CADM2: variants seen among roughly 807,000 people sequenced by gnomAD.
CADM2 encodes immunoglobulin superfamily member 4D.
Under a neutral mutation model 49.8 loss-of-function variants are expected in CADM2, and 12 were observed. The ratio of observed to expected loss-of-function variants is 0.24; its 90% CI spans 0.15 to 0.39. The LOEUF (loss-of-function observed/expected upper bound fraction) is 0.39. Ranked by LOEUF, CADM2 falls within the 10% of genes least tolerant of loss-of-function variation. CADM2 has a pLI of 1.00. For synonymous variants in CADM2, 214 were observed against 175.4 expected (o/e 1.22, Z -1.74); for missense variants, 378 against 492.3 (o/e 0.77, Z 2.20).
intron 1 of CADM2, among the ~76,000 whole-genome samples, chr3:85,324,395 T>C (rs2044693814): frequency 6.6e-6 from 1 of 152,186 alleles, no homozygotes; most frequent in African/African-American, 2.4e-5. Context: ...ACCTTGCCTC[T>C]TCTTAATGAT....
intron 1 of CADM2, among the ~76,000 whole-genome samples, chr3:85,605,404 G>A (rs1185352825): frequency 1.3e-5 from 2 of 151,982 alleles, no homozygotes; most frequent in South Asian, 2.1e-4. Context: ...AAGAACTTGG[G>A]TCATTTCTGA....
chr3:85,017,033 C>CTT (rs370740863), intron 1 of CADM2, among the ~76,000 whole-genome samples: 19 of 152,134 alleles, frequency 1.2e-4, no homozygotes, highest in African/African-American at 4.6e-4. Context: ...GAAATAGGTT[C>CTT]TTTGTAATAT....
At chr3:85,448,332 C>CAAA (rs57338759) in intron 1 of CADM2, among the ~76,000 whole-genome samples, 4 of 129,044 alleles carry the variant, frequency 3.1e-5, no homozygotes, top group African/African-American at 9.2e-5. Context: ...GATTCCGTCT[C>CAAA]AAAAAAAAAA....
At chr3:86,015,594 G>A (rs1225818558) in intron 8 of CADM2, among the ~76,000 whole-genome samples, 3 of 152,166 alleles carry the variant, frequency 2.0e-5, no homozygotes, top group Admixed American at 6.5e-5. Flanking sequence ...AATTACCGGA[G>A]AAAAGCTTGT....
At chr3:85,989,125 T>C (rs550726301) in intron 8 of CADM2, among the ~76,000 whole-genome samples, 6 of 152,292 alleles carry the variant, frequency 3.9e-5, no homozygotes, top group Non-Finnish European at 8.8e-5. Flanking sequence ...ACTCTGTTAC[T>C]CTGGATGTCA....
chr3:85,761,445 C>T (rs1176936117), intron 2 of CADM2, among the ~76,000 whole-genome samples: 6 of 139,602 alleles, frequency 4.3e-5, no homozygotes, highest in African/African-American at 1.4e-4. Context: ...GGCATGATCT[C>T]GGCTCGCTGC....
chr3:85,958,655 C>G (rs1194101329), intron 7 of CADM2, among the ~76,000 whole-genome samples: 1 of 151,840 alleles, frequency 6.6e-6, no homozygotes, highest in Non-Finnish European at 1.5e-5. Flanking sequence ...GCACAAATGC[C>G]CATCAATGAT....
At chr3:85,417,100 A>C (rs1471137401) in intron 1 of CADM2, among the ~76,000 whole-genome samples, 2 of 152,180 alleles carry the variant, frequency 1.3e-5, no homozygotes, top group East Asian at 1.9e-4. Flanking sequence ...AAGCTTAAAA[A>C]AAACTTTATA....
intron 2 of CADM2, among the ~76,000 whole-genome samples, chr3:85,766,876 A>G (rs1218336781): frequency 2.0e-5 from 3 of 152,102 alleles, no homozygotes; most frequent in African/African-American, 7.2e-5. Context: ...TATGTTCTTA[A>G]TCATGTGCTG....
intron 1 of CADM2, among the ~76,000 whole-genome samples, chr3:85,629,762 CA>C (rs1169598436): frequency 1.3e-5 from 2 of 151,944 alleles, no homozygotes; most frequent in Non-Finnish European, 1.5e-5. Context: ...CAAAGTTTGC[CA>C]CTTTATGTAT....
At chr3:85,375,725 G>A (rs1385587710) in intron 1 of CADM2, among the ~76,000 whole-genome samples, 2 of 152,074 alleles carry the variant, frequency 1.3e-5, no homozygotes, top group Non-Finnish European at 2.9e-5. Context: ...TGTACAAAGT[G>A]TTCTCTTCCA....
At chr3:85,444,603 C>T (rs9820228) in intron 1 of CADM2, among the ~76,000 whole-genome samples, 25,634 of 151,292 alleles carry the variant, frequency 0.17, 2,668 homozygotes, top group Non-Finnish European at 0.23. Flanking sequence ...CACCTCATTT[C>T]GTTTTGCTGT....
At chr3:85,996,300 T>C (rs1020260791) in intron 8 of CADM2, among the ~76,000 whole-genome samples, 1 of 142,624 alleles carries the variant, frequency 7.0e-6, no homozygotes, top group Non-Finnish European at 1.5e-5. Context: ...CTTTTTTTTT[T>C]TTTTTTTTTT....
chr3:85,879,190 CTGGCAGCTAAACAAGGCATCTATATCA>C (rs1180457379), intron 3 of CADM2, among the ~76,000 whole-genome samples: 1 of 151,866 alleles, frequency 6.6e-6, no homozygotes, highest in Non-Finnish European at 1.5e-5. Context: ...CTACTTTCCT[CTGGCAGCTAAACAAGGCATCTATATCA>C]TGGCATGTAG....
chr3:85,797,053 C>T (rs2071669298), intron 2 of CADM2, among the ~76,000 whole-genome samples: 1 of 149,034 alleles, frequency 6.7e-6, no homozygotes, highest in Non-Finnish European at 1.5e-5. Flanking sequence ...AAGATTACGC[C>T]ACTGCACTCC....
intron 1 of CADM2, among the ~76,000 whole-genome samples, chr3:85,348,119 A>G (rs185641406): frequency 2.0e-5 from 3 of 152,172 alleles, no homozygotes; most frequent in Non-Finnish European, 2.9e-5. Context: ...CCTACATCCT[A>G]CTATCTCCTC....
intron 1 of CADM2, among the ~76,000 whole-genome samples, chr3:85,272,426 A>G (rs1301035604): frequency 2.0e-5 from 3 of 151,360 alleles, no homozygotes; most frequent in African/African-American, 7.3e-5. Flanking sequence ...GAAAAAGAAA[A>G]AAAGATAAAA....
At chr3:85,346,045 A>G (rs2030609971) in intron 1 of CADM2, among the ~76,000 whole-genome samples, 1 of 152,200 alleles carries the variant, frequency 6.6e-6, no homozygotes, top group African/African-American at 2.4e-5. Flanking sequence ...TGGTCTTACA[A>G]CTTTTCTGTA....
At chr3:86,011,853 T>C (rs1036759663) in intron 8 of CADM2, among the ~76,000 whole-genome samples, 3 of 152,092 alleles carry the variant, frequency 2.0e-5, no homozygotes, top group Non-Finnish European at 4.4e-5. Context: ...AATGGGAATA[T>C]AAGTGATTTA....
Sources: gnomAD v4.1 joint callset for allele counts (sites outside exome capture counted in the v4.1 genomes callset) on GRCh38, gnomAD v4.1.1 for gene constraint, MANE v1.5 for transcripts, NCBI Gene and HGNC (gene_info 2026-07-23, HGNC 2026-07-21) for gene names.